Variants in PPP1R1A observed in about 807,000 individuals in gnomAD.
The protein encoded by PPP1R1A is protein phosphatase 1 regulatory inhibitor subunit 1A.
Under a neutral mutation model 23.9 loss-of-function variants are expected in PPP1R1A, and 18 were observed. The ratio of observed to expected loss-of-function variants is 0.75; its 90% confidence interval spans 0.52 to 1.12. The LOEUF (loss-of-function observed/expected upper bound fraction) is 1.12. PPP1R1A is among the 50% of genes most tolerant of loss of function. The pLI is 0.00. For missense variants in PPP1R1A, 207 were observed against 223.8 expected, an observed-to-expected ratio of 0.92 and a Z score of 0.48; for synonymous variants, 84 against 80.7, an observed-to-expected ratio of 1.04 and a Z score of -0.22.
At chr12:54,580,419 G>C (rs757157376) in intron 6 of PPP1R1A, 27 bp from the exon 7 acceptor site, 2 of 1,598,196 alleles carry the variant, frequency 1.3e-6, no homozygotes, top group African/African-American at 2.7e-5. Flanking sequence ...GGGACAGAAA[G>C]AGAAGGTGAG....
In PPP1R1A at chr12:54,581,900, C is replaced by T. The variant is rs1008583179; in HGVS notation, c.403+76G>A. On this transcript the variant is annotated intron_variant, in intron 5 of 6. Transcript: ENST00000257905. This position sits in a 1 kb window ranked among gnomAD's most constrained non-coding sequence, Gnocchi z 4.1. ...CTCCCAGGCTCCAACTCTTTCCCCT[C>T]CCCGCAGTGGGTAAGGCTTGCCTCC... The T allele has an allele frequency of 2.0e-6, 3 of 1,502,434 alleles. No individual in the cohort carries two copies. Among genetic ancestry groups the T allele is most frequent in the Non-Finnish European group, 2.7e-6 (3 of 1,121,144 alleles). 93.1% of individuals were successfully genotyped at this position (1,502,434 alleles called of 1,614,324 possible). A position where few individuals can be genotyped will look rare whatever the true frequency, so the allele number is the denominator to read the frequency against.
At chr12:54,583,104 G>C in intron 3 of PPP1R1A, 107 bp downstream of exon 3, 1 of 1,228,694 alleles carries the variant, frequency 8.1e-7, no homozygotes, top group Non-Finnish European at 1.1e-6. Context: ...GTACAGGGAA[G>C]CGGGAGTCAA....
In PPP1R1A at chr12:54,583,155, C is replaced by A. The variant is rs764246851; in HGVS notation, c.183+56G>T. ...GGGCGGCAGGGTTTTAAGGAATAATCCCCTAATGAATGTGGGGGTTTTTTG... is the reference window on the plus strand; with the variant it reads ...GGGCGGCAGGGTTTTAAGGAATAATACCCTAATGAATGTGGGGGTTTTTTG... On this transcript the variant is annotated intron_variant, in intron 3 of 6. Coordinates refer to ENST00000257905, the MANE Select transcript of PPP1R1A (RefSeq NM_006741.4). 3 of 1,504,308 alleles carry A rather than the reference C, an allele frequency of 2.0e-6. No individual in the cohort carries two copies. The African/African-American group carries it at 4.2e-5, about 21-fold the overall frequency. The allele number at this position is 1,504,308 out of a possible 1,614,324, so 93.2% of individuals were successfully genotyped here. A position where few individuals can be genotyped will look rare whatever the true frequency, so the allele number is the denominator to read the frequency against.
In PPP1R1A at chr12:54,580,422, A is replaced by G. The variant is rs1384717646; in HGVS notation, c.511-30T>C. On this transcript the variant is annotated intron_variant, in intron 6 of 6. Coordinates refer to ENST00000257905, the MANE Select transcript of PPP1R1A (RefSeq NM_006741.4). The stretch of plus-strand genomic sequence containing the variant: ...TATGGGGGAAAGGGGACAGAAAGAG[A>G]AGGTGAGAGGCCAGAGGGTCATTTT... 5 of 1,598,386 alleles carry G rather than the reference A, an allele frequency of 3.1e-6. No individual in the cohort carries two copies. The African/African-American group carries it at 4.0e-5, about 13-fold the overall frequency.
At chr12:54,583,127 G>A in intron 3 of PPP1R1A, 84 bp downstream of exon 3, 2 of 1,408,954 alleles carry the variant, frequency 1.4e-6, no homozygotes, top group Admixed American at 2.5e-5. Context: ...AGATCCTAGA[G>A]ATGGGCGGCA....
In PPP1R1A at chr12:54,582,833, C is replaced by A. The variant is rs752066559; in HGVS notation, c.184-38G>T. 2.5e-6 allele frequency: 4 copies of A among 1,593,660 alleles called. No individual in the cohort carries two copies. The South Asian group carries it at 3.3e-5, about 13-fold the overall frequency. ...CAGAGCACAGATGGGCGCCAGCCCC[C>A]CCTTGCTCTCCAGACCCCTCCCTTG... is the stretch of plus-strand genomic sequence containing the variant. On this transcript the variant is annotated intron_variant, in intron 3 of 6. Coordinates refer to ENST00000257905, the MANE Select transcript of PPP1R1A (RefSeq NM_006741.4).
chr12:54,588,353 G>C (rs922345685), intron 1 of PPP1R1A, 52 bp downstream of exon 1: 5 of 1,441,174 alleles, frequency 3.5e-6, no homozygotes, highest in Non-Finnish European at 4.7e-6. Flanking sequence ...CAGTCCAGGG[G>C]TCCCTCGTCC....
chr12:54,583,180 G>C, intron 3 of PPP1R1A, 31 bp downstream of exon 3: 1 of 1,552,944 alleles, frequency 6.4e-7, no homozygotes, highest in Non-Finnish European at 8.7e-7. Context: ...GGGGTTTTTT[G>C]GGCTGGGCTT....
At chr12:54,586,412 C>T (rs927038175) in intron 1 of PPP1R1A, among the ~76,000 whole-genome samples, 11 of 152,214 alleles carry the variant, frequency 7.2e-5, no homozygotes, top group African/African-American at 2.4e-4. Flanking sequence ...TCCTAGCTCT[C>T]AGGAGCATGT....
At chr12:54,583,944 C>T (rs746517110) in intron 2 of PPP1R1A, among the ~76,000 whole-genome samples, 4 of 152,180 alleles carry the variant, frequency 2.6e-5, no homozygotes, top group Non-Finnish European at 4.4e-5. Context: ...GACACTGCCT[C>T]TGGGGGTGGG....
chr12:54,582,059 C>T lies in PPP1R1A; in HGVS notation c.320G>A (p.Ser107Asn), dbSNP rs1957860225. ...QGEEPEGAAESTGTQESRPPG... is the reference protein window; with the variant it reads ...QGEEPEGAAENTGTQESRPPG... ...TGGGCGGGACTCCTGGGTTCCTGTG[C>T]TCTCAGCGGCCCCCTCAGGTTCCTC... is the stretch of plus-strand genomic sequence containing the variant. Residue 107 changes from serine (S) to asparagine (N), a missense_variant, in exon 5 of 7, where the codon AGC becomes AAC. Transcript: ENST00000257905. 6.2e-7 allele frequency: 1 copy of T among 1,613,736 alleles called. No individual in the cohort carries two copies. Among genetic ancestry groups the T allele is most frequent in the Non-Finnish European group, 8.5e-7 (1 of 1,179,846 alleles).
chr12:54,579,355 TA>T lies in PPP1R1A; in HGVS notation c.*1031del. Reference sequence around the variant, plus strand: ...TCTCCCTCATATATATATATATATATATTTAGGTATGTATCTGGGCAAGCTG... The same window carrying T: ...TCTCCCTCATATATATATATATATATTTTAGGTATGTATCTGGGCAAGCTG... On this transcript the variant is annotated 3_prime_UTR_variant, in exon 7 of 7. Coordinates refer to ENST00000257905, the MANE Select transcript of PPP1R1A (RefSeq NM_006741.4). 1 of 981,428 alleles carries T rather than the reference TA, an allele frequency of 1.0e-6. No homozygotes were observed. Among genetic ancestry groups the T allele is most frequent in the Non-Finnish European group, 1.2e-6 (1 of 826,570 alleles). The allele number at this position is 981,428 out of a possible 1,614,324, so 60.8% of individuals were successfully genotyped here.
chr12:54,579,879 C>T lies in PPP1R1A; in HGVS notation c.*508G>A, dbSNP rs1319547138. ...GGGCCAAGTGCCATGGTGCAGTTCCCCTTTTGTCCAGCAGATGGAGCCCAC... is the reference window on the plus strand; with the variant it reads ...GGGCCAAGTGCCATGGTGCAGTTCCTCTTTTGTCCAGCAGATGGAGCCCAC... On this transcript the variant is annotated 3_prime_UTR_variant, in exon 7 of 7. Transcript: ENST00000257905. 8.1e-6 allele frequency: 8 copies of T among 986,334 alleles called. No individual in the cohort carries two copies. Among genetic ancestry groups the T allele is most frequent in the African/African-American group, 1.7e-5 (1 of 57,240 alleles). 61.1% of individuals were successfully genotyped at this position (986,334 alleles called of 1,614,324 possible). A position where few individuals can be genotyped will look rare whatever the true frequency, so the allele number is the denominator to read the frequency against.
At chr12:54,585,353 T>C (rs967408179) in intron 1 of PPP1R1A, among the ~76,000 whole-genome samples, 1 of 152,156 alleles carries the variant, frequency 6.6e-6, no homozygotes, top group Non-Finnish European at 1.5e-5. Context: ...AATTAACATA[T>C]AAAGCTGACT....
rs1957837036 is a variant in PPP1R1A, at chr12:54,579,852, A to G, written c.*535T>C. ...GGCACACCACCATACCCTCTTTCCC[A>G]TGGGCCAAGTGCCATGGTGCAGTTC... On this transcript the variant is annotated 3_prime_UTR_variant, in exon 7 of 7. Transcript: ENST00000257905. The G allele has an allele frequency of 3.8e-5, 37 of 985,666 alleles. No individual in the cohort carries two copies. Among genetic ancestry groups the G allele is most frequent in the South Asian group, 4.7e-5 (1 of 21,294 alleles). 61.1% of individuals were successfully genotyped at this position (985,666 alleles called of 1,614,324 possible). A position where few individuals can be genotyped will look rare whatever the true frequency, so the allele number is the denominator to read the frequency against.
chr12:54,582,404 T>A (rs1441440515), intron 4 of PPP1R1A, among the ~76,000 whole-genome samples: 1 of 152,170 alleles, frequency 6.6e-6, no homozygotes, highest in African/African-American at 2.4e-5. Flanking sequence ...CTGGGATACA[T>A]GGTCTTCCCT....
At position 54,579,845 on chromosome 12, in the gene PPP1R1A, C is replaced by G; in HGVS notation, c.*542G>C. The G allele has an allele frequency of 1.0e-6, 1 of 985,806 alleles. No homozygotes were observed. Among genetic ancestry groups the G allele is most frequent in the Non-Finnish European group, 1.2e-6 (1 of 830,232 alleles). The allele number at this position is 985,806 out of a possible 1,614,324, so 61.1% of individuals were successfully genotyped here. A position where few individuals can be genotyped will look rare whatever the true frequency, so the allele number is the denominator to read the frequency against. ...AGGTATCGGCACACCACCATACCCT[C>G]TTTCCCATGGGCCAAGTGCCATGGT... On this transcript the variant is annotated 3_prime_UTR_variant, in exon 7 of 7. Transcript: ENST00000257905.
At chr12:54,587,602 G>T (rs935012231) in intron 1 of PPP1R1A, among the ~76,000 whole-genome samples, 1 of 152,144 alleles carries the variant, frequency 6.6e-6, no homozygotes, top group Non-Finnish European at 1.5e-5. Flanking sequence ...GGCTGGGCCA[G>T]GGCCCTGGAC....
chr12:54,582,157 A>G, intron 4 of PPP1R1A, 26 bp from the exon 5 acceptor site: 1 of 1,603,020 alleles, frequency 6.2e-7, no homozygotes, highest in Non-Finnish European at 8.5e-7. Flanking sequence ...AAGGGAGGGA[A>G]CACTGGATAT....
Sources: gnomAD v4.1 joint callset for allele counts (sites outside exome capture counted in the v4.1 genomes callset) on GRCh38, gnomAD v4.1.1 for gene constraint, Gnocchi (gnomAD v3.1) non-coding constraint, MANE v1.5 for transcripts, NCBI Gene and HGNC (gene_info 2026-07-23, HGNC 2026-07-21) for gene names.